Variants in PCDHA6 observed in about 807,000 individuals in gnomAD.
PCDHA6 encodes the protein protocadherin alpha-6.
In PCDHA6, 55 loss-of-function variants were observed where a neutral mutation model predicts 60.3. The ratio of observed to expected loss-of-function variants is 0.91; its 90% CI spans 0.73 to 1.14. The LOEUF (loss-of-function observed/expected upper bound fraction) is 1.14. Ranked by LOEUF, PCDHA6 falls within the 50% of genes most tolerant of loss-of-function variation. PCDHA6 has a pLI of 0.00. For synonymous variants in PCDHA6, 652 were observed against 557.9 expected (o/e 1.17, Z -2.38); for missense variants, 1,327 against 1,256.5 (o/e 1.06, Z -0.85).
intron 1 of PCDHA6, chr5:140,870,599 G>A: frequency 6.2e-7 from 1 of 1,613,396 alleles, no homozygotes; most frequent in South Asian, 1.1e-5. Flanking sequence ...CGGCGGTTGG[G>A]CGACCGCGCG....
chr5:140,871,692 C>T, intron 1 of PCDHA6: 1 of 997,192 alleles, frequency 1.0e-6, no homozygotes, highest in Non-Finnish European at 1.4e-6. Flanking sequence ...AATCTGGCTT[C>T]TTTAACCAAT....
intron 1 of PCDHA6, among the ~76,000 whole-genome samples, chr5:140,903,450 T>A (rs2070311741): frequency 2.6e-5 from 4 of 152,202 alleles, no homozygotes; most frequent in Admixed American, 1.3e-4. Flanking sequence ...ATTCATCTGA[T>A]CAAACTTAAA....
At position 140,829,250 on chromosome 5, in the gene PCDHA6, T is replaced by C; in HGVS notation, c.1159T>C (p.Cys387Arg). The C allele has an allele frequency of 6.2e-7, 1 of 1,614,278 alleles. No individual in the cohort carries two copies. The highest frequency in any genetic ancestry group is 8.5e-7 in the Non-Finnish European group (1 of 1,180,050). The change falls in exon 1 of 4, where the codon TGC becomes CGC. Residue 387 changes from cysteine to arginine, a missense_variant. By Grantham distance (180) the Cys-to-Arg change is radical. Transcript: ENST00000529310. ...TTCAGGTGCCAACGGGCAGGTGAAC[T>C]GCTCGCTGACGCCTCACGTCCCTTT... ...LDSGANGQVNCSLTPHVPFKL... is the reference protein window; with the variant it reads ...LDSGANGQVNRSLTPHVPFKL...
chr5:140,882,651 A>T, intron 1 of PCDHA6: 1 of 1,614,206 alleles, frequency 6.2e-7, no homozygotes, highest in Non-Finnish European at 8.5e-7. Context: ...GACATTAACG[A>T]CAACCCGCCC....
intron 1 of PCDHA6, among the ~76,000 whole-genome samples, chr5:140,904,512 C>T (rs1251570223): frequency 5.9e-5 from 9 of 151,738 alleles, no homozygotes; most frequent in Admixed American, 3.3e-4. Flanking sequence ...GTGAATTGTG[C>T]TGCTATAAAC....
At chr5:140,874,554 TTC>T (rs2054993631) in intron 1 of PCDHA6, among the ~76,000 whole-genome samples, 1 of 152,236 alleles carries the variant, frequency 6.6e-6, no homozygotes, top group African/African-American at 2.4e-5. Flanking sequence ...TAAGAGATCT[TTC>T]GCATTTTAGT....
chr5:140,920,133 C>A (rs1463322279), intron 1 of PCDHA6, among the ~76,000 whole-genome samples: 7 of 152,178 alleles, frequency 4.6e-5, no homozygotes, highest in African/African-American at 1.4e-4. Flanking sequence ...AGTTTTAATT[C>A]TCCTCTCCAA....
Position 140,829,519 on chromosome 5 carries a change from G to C in PCDHA6, c.1428G>C (p.Thr476=), listed in dbSNP as rs2150169302. 1.9e-6 allele frequency: 3 copies of C among 1,613,422 alleles called. No homozygotes were observed. The highest frequency in any genetic ancestry group is 1.3e-5 in the African/African-American group (1 of 75,044). ...ACCCGCCGGGCTGCCACATCTTCACGGTGTCTGCGCGAGACGCGGACGCGC... is the reference window on the plus strand; with the variant it reads ...ACCCGCCGGGCTGCCACATCTTCACCGTGTCTGCGCGAGACGCGGACGCGC... ...ENNPPGCHIF[T]VSARDADAQE... Residue 476 remains threonine, a synonymous_variant, in exon 1 of 4, where the codon ACG becomes ACC. Transcript: ENST00000529310.
rs1554149565 is a variant in PCDHA6, at chr5:140,857,132, G to T, written c.2394+26647G>T. Reference sequence around the variant, plus strand: ...TCTGTCTCTCCCAGTGAAAGAAGATGCTCAAGTGGGCACCGTCATTGCCCT... The same window carrying T: ...TCTGTCTCTCCCAGTGAAAGAAGATTCTCAAGTGGGCACCGTCATTGCCCT... On this transcript the variant is annotated intron_variant, in intron 1 of 3. Coordinates refer to ENST00000529310, the MANE Select transcript of PCDHA6 (RefSeq NM_018909.4). The T allele has an allele frequency of 3.1e-6, 5 of 1,598,146 alleles. 1 individual carries two copies. The South Asian group carries it at 3.3e-5, about 11-fold the overall frequency.
chr5:140,862,554 A>G, intron 1 of PCDHA6: 3 of 464,416 alleles, frequency 6.5e-6, no homozygotes, highest in Non-Finnish European at 1.3e-5. Context: ...GTGGCCGAAC[A>G]GTGAACCACA....
intron 1 of PCDHA6, chr5:140,856,196 G>T: frequency 6.3e-7 from 1 of 1,598,194 alleles, no homozygotes; most frequent in Non-Finnish European, 8.6e-7. Flanking sequence ...CATCGCGCAG[G>T]ACCTGGGGCT....
intron 1 of PCDHA6, chr5:140,848,706 C>A (rs2150418265): frequency 6.3e-7 from 1 of 1,592,212 alleles, no homozygotes; most frequent in African/African-American, 1.3e-5. Context: ...TTCCAAAGGC[C>A]GCGGGGACCT....
chr5:140,945,183 A>G (rs1445694327), intron 1 of PCDHA6, among the ~76,000 whole-genome samples: 6 of 152,160 alleles, frequency 3.9e-5, no homozygotes, highest in Admixed American at 2.6e-4. Context: ...TAAATCAAGA[A>G]AACCATGCTA....
In PCDHA6 at chr5:140,836,669, G is replaced by A. The variant is rs142732506; in HGVS notation, c.2394+6184G>A. ...GGCGGCAGAGGGTGTGCTCTGGGGA[G>A]GGCCCACCCAAGACAGACCTCATGG... On this transcript the variant is annotated intron_variant, in intron 1 of 3. Coordinates refer to ENST00000529310, the MANE Select transcript of PCDHA6 (RefSeq NM_018909.4). The A allele has an allele frequency of 2.5e-6, 4 of 1,613,470 alleles. No homozygotes were observed. In the East Asian group the frequency reaches 8.9e-5, roughly 36 times the overall value.
intron 1 of PCDHA6, chr5:140,834,446 A>G (rs1220656854): frequency 1.2e-5 from 19 of 1,598,524 alleles, no homozygotes; most frequent in Non-Finnish European, 1.6e-5. Context: ...TTATAATTCT[A>G]GCAGCTTGGG....
At chr5:140,905,446 A>G (rs1421760693) in intron 1 of PCDHA6, among the ~76,000 whole-genome samples, 2 of 152,180 alleles carry the variant, frequency 1.3e-5, no homozygotes, top group East Asian at 3.9e-4. Flanking sequence ...GCCTTTTAGT[A>G]TAATTTAAAG....
intron 1 of PCDHA6, chr5:140,841,549 G>T (rs781866504): frequency 6.2e-6 from 10 of 1,613,710 alleles, no homozygotes; most frequent in East Asian, 2.2e-5. Context: ...ACCTTCTGGA[G>T]GTAAGTCTGC....
At chr5:140,960,551 G>T (rs2095555454) in intron 1 of PCDHA6, among the ~76,000 whole-genome samples, 1 of 152,102 alleles carries the variant, frequency 6.6e-6, no homozygotes, top group Admixed American at 6.5e-5. Flanking sequence ...CCTTCATATA[G>T]ACTGAGCTTA....
intron 1 of PCDHA6, among the ~76,000 whole-genome samples, chr5:140,891,939 C>G (rs1475126639): frequency 3.3e-5 from 5 of 152,212 alleles, no homozygotes; most frequent in African/African-American, 1.2e-4. Flanking sequence ...TGGACTTCCC[C>G]TAGGCTCCAG....
Sources: gnomAD v4.1 joint callset for allele counts (sites outside exome capture counted in the v4.1 genomes callset) on GRCh38, gnomAD v4.1.1 for gene constraint, MANE v1.5 for transcripts, NCBI Gene and HGNC (gene_info 2026-07-23, HGNC 2026-07-21) for gene names.